TRAPPC9: variants seen among roughly 807,000 people sequenced by gnomAD.
TRAPPC9 encodes the protein IKK2 binding protein.
Under a neutral mutation model 124.0 loss-of-function variants are expected in TRAPPC9, and 83 were observed. The observed-to-expected ratio is 0.67, with a 90% CI of 0.56 to 0.80. TRAPPC9 has a LOEUF of 0.80. TRAPPC9 is among the 30% of genes least tolerant of loss of function. The probability of loss-of-function intolerance (pLI) is 0.00; values close to 1 mark genes in which losing one functional copy is unlikely to be tolerated. For synonymous variants in TRAPPC9, 638 were observed against 617.5 expected, an observed-to-expected ratio of 1.03 and a Z score of -0.49; for missense variants, 1,302 against 1,508.3, an observed-to-expected ratio of 0.86 and a Z score of 2.27.
rs7828853 is a variant in TRAPPC9, at chr8:140,300,185, A to G, written c.1768+284T>C. On this transcript the variant is annotated intron_variant, in intron 11 of 22. Coordinates refer to ENST00000438773, the MANE Select transcript of TRAPPC9 (RefSeq NM_001160372.4). The stretch of plus-strand genomic sequence containing the variant: ...AGACTGCACACACGCACACACACGC[A>G]CACATCTGTGCACACATCCACACAT... Among the ~76,000 whole-genome samples, 51,017 of 152,190 alleles carry G rather than the reference A, an allele frequency of 0.34. 9,063 individuals carry two copies. The highest frequency in any genetic ancestry group is 0.45 in the Middle Eastern group (132 of 294).
At chr8:140,188,800 C>T (rs1354986454) in intron 17 of TRAPPC9, among the ~76,000 whole-genome samples, 1 of 152,204 alleles carries the variant, frequency 6.6e-6, no homozygotes, top group Non-Finnish European at 1.5e-5. Flanking sequence ...GAACCACACA[C>T]AATTTGACCA....
chr8:140,212,161 T>C (rs2063076484), intron 17 of TRAPPC9, among the ~76,000 whole-genome samples: 1 of 152,194 alleles, frequency 6.6e-6, no homozygotes. Context: ...GGTAAGCAGA[T>C]GCGGATGGCT....
chr8:139,845,447 C>T (rs1827013470), intron 21 of TRAPPC9, among the ~76,000 whole-genome samples: 1 of 152,260 alleles, frequency 6.6e-6, no homozygotes, highest in Non-Finnish European at 1.5e-5. Context: ...CACTTTCTCC[C>T]TCCAAAAGAA....
At chr8:140,418,020 A>G (rs901011226) in intron 5 of TRAPPC9, among the ~76,000 whole-genome samples, 1 of 152,180 alleles carries the variant, frequency 6.6e-6, no homozygotes, top group Non-Finnish European at 1.5e-5. Flanking sequence ...ATGGTAACAC[A>G]TGGACACAGG....
chr8:140,340,453 G>A lies in TRAPPC9; in HGVS notation c.1495+19597C>T, dbSNP rs543302776. 2.0e-4 allele frequency among the ~76,000 whole-genome samples: 30 copies of A among 152,274 alleles called. No individual in the cohort carries two copies. In the South Asian group the frequency reaches 6.2e-3, roughly 32 times the overall value. ...AGAAAGAACTGTACAGCCTCACCCG[G>A]GAAACTGCCCACCTGCCTAGTGGGT... On this transcript the variant is annotated intron_variant, in intron 9 of 22. Transcript: ENST00000438773.
At chr8:139,842,443 T>G (rs1457286887) in intron 21 of TRAPPC9, among the ~76,000 whole-genome samples, 1 of 152,230 alleles carries the variant, frequency 6.6e-6, no homozygotes, top group Non-Finnish European at 1.5e-5. Flanking sequence ...AAACAAACCC[T>G]ACTTCTAACT....
intron 21 of TRAPPC9, among the ~76,000 whole-genome samples, chr8:139,806,947 T>G (rs941364980): frequency 6.6e-6 from 1 of 152,238 alleles, no homozygotes; most frequent in African/African-American, 2.4e-5. Context: ...GCCAGTGCTT[T>G]GATCGGCCAC....
chr8:140,158,104 T>C (rs1219048345), intron 17 of TRAPPC9, among the ~76,000 whole-genome samples: 2 of 152,192 alleles, frequency 1.3e-5, no homozygotes, highest in Non-Finnish European at 2.9e-5. Context: ...TCTTGGTGCA[T>C]TCATCCATTT....
In TRAPPC9 at chr8:140,405,682, AT is replaced by A; in HGVS notation, c.902del (p.Asn301MetfsTer23). The A allele has an allele frequency of 1.2e-6, 2 of 1,614,188 alleles. No homozygotes were observed. The highest frequency in any genetic ancestry group is 1.7e-6 in the Non-Finnish European group (2 of 1,180,024). ...CAGTACTGGTGTCAGGGTTGATGCCATTGGTGGTGAGGGCACCTGCAAACCA... is the reference window on the plus strand; with the variant it reads ...CAGTACTGGTGTCAGGGTTGATGCCATGGTGGTGAGGGCACCTGCAAACCA... ...VLIDPGALTT[N>X]GINPDTSTEI... On this transcript the variant is annotated frameshift_variant, in exon 6 of 23. Coordinates refer to ENST00000438773, the MANE Select transcript of TRAPPC9 (RefSeq NM_001160372.4). LOFTEE classifies it high-confidence loss of function.
intron 19 of TRAPPC9, among the ~76,000 whole-genome samples, chr8:139,927,391 T>C (rs1486363892): frequency 6.6e-6 from 1 of 152,088 alleles, no homozygotes; most frequent in Non-Finnish European, 1.5e-5. Flanking sequence ...ACTACAAGTG[T>C]GCACCACCAC....
intron 10 of TRAPPC9, among the ~76,000 whole-genome samples, chr8:140,303,684 A>C (rs1422243648): frequency 6.6e-6 from 1 of 152,210 alleles, no homozygotes; most frequent in African/African-American, 2.4e-5. Context: ...TTTGGAACAC[A>C]ATTAAAATAG....
chr8:140,111,797 G>A (rs924876195), intron 17 of TRAPPC9, among the ~76,000 whole-genome samples: 5 of 152,236 alleles, frequency 3.3e-5, no homozygotes, highest in Admixed American at 2.0e-4. Context: ...AAAAGTGATC[G>A]GTGTGATAGA....
rs188007389 is a variant in TRAPPC9 at position 140,373,695 on chromosome 8, G to A, written c.1135-2515C>T. Among the ~76,000 whole-genome samples the A allele has an allele frequency of 2.3e-3, 356 of 151,812 alleles. 4 individuals carry two copies. The highest frequency in any genetic ancestry group is 8.2e-3 in the African/African-American group (339 of 41,140). ...TCACCAGCATATGAGGATATCACCT[G>A]CTCACCAGCATATGAGGATATCAGT... On this transcript the variant is annotated intron_variant, in intron 7 of 22. Coordinates refer to ENST00000438773, the MANE Select transcript of TRAPPC9 (RefSeq NM_001160372.4).
chr8:139,961,264 A>G (rs1160939247), intron 19 of TRAPPC9, among the ~76,000 whole-genome samples: 2 of 124,404 alleles, frequency 1.6e-5, no homozygotes, highest in Non-Finnish European at 3.8e-5. Context: ...TTCTTTCTAT[A>G]TGATGGCAGT....
chr8:140,349,656 G>A (rs2067485922), intron 9 of TRAPPC9, among the ~76,000 whole-genome samples: 1 of 152,174 alleles, frequency 6.6e-6, no homozygotes, highest in African/African-American at 2.4e-5. Flanking sequence ...GAGTGGGCAG[G>A]AGGGCATGAG....
intron 17 of TRAPPC9, among the ~76,000 whole-genome samples, chr8:140,081,681 G>A (rs754015052): frequency 6.6e-6 from 1 of 152,140 alleles, no homozygotes; most frequent in Non-Finnish European, 1.5e-5. Flanking sequence ...TGATTCCTGT[G>A]TAAGGCATTT....
chr8:140,108,534 G>A (rs1331214279), intron 17 of TRAPPC9, among the ~76,000 whole-genome samples: 1 of 152,106 alleles, frequency 6.6e-6, no homozygotes, highest in Admixed American at 6.5e-5. Context: ...TGCCCAGGGC[G>A]CACCTGGCCC....
chr8:140,397,710 G>A lies in TRAPPC9; in HGVS notation c.1044C>T (p.Cys348=). The A allele has an allele frequency of 6.2e-7, 1 of 1,614,158 alleles. No homozygotes were observed. Among genetic ancestry groups the A allele is most frequent in the Non-Finnish European group, 8.5e-7 (1 of 1,180,028 alleles). Residue 348 remains cysteine, a synonymous_variant, in exon 7 of 23, where the codon TGC becomes TGT. Transcript: ENST00000438773. ...KNAGVIELEA[C]IKAVRVLAIQ... is the part of the protein sequence containing the mutation. Reference sequence around the variant, plus strand: ...TTGCAAGGACACGTACAGCCTTGATGCACGCTTCCAACTCAATCACTCCCG... The same window carrying A: ...TTGCAAGGACACGTACAGCCTTGATACACGCTTCCAACTCAATCACTCCCG...
chr8:139,959,286 A>C (rs898810), intron 19 of TRAPPC9, among the ~76,000 whole-genome samples: 1 of 152,228 alleles, frequency 6.6e-6, no homozygotes, highest in East Asian at 1.9e-4. Context: ...CAACACCAAC[A>C]GAGGGCTTGA....
Sources: gnomAD v4.1 joint callset for allele counts (sites outside exome capture counted in the v4.1 genomes callset) on GRCh38, gnomAD v4.1.1 for gene constraint, MANE v1.5 for transcripts, NCBI Gene and HGNC (gene_info 2026-07-23, HGNC 2026-07-21) for gene names.